NPIPB2: variants seen among roughly 807,000 people sequenced by gnomAD.
NPIPB2 encodes nuclear pore complex-interacting protein family member B2.
A neutral mutation model predicts 30.8 loss-of-function variants in NPIPB2; 27 were observed. That is an observed-to-expected ratio of 0.88 (90% CI 0.65 to 1.21). The LOEUF is 1.21. Among genes scored for constraint, NPIPB2 ranks in the 50% most tolerant of loss-of-function variants. The pLI, the probability that NPIPB2 is intolerant of heterozygous loss-of-function variation, is 0.00. For synonymous variants in NPIPB2, 147 were observed against 162.0 expected, an observed-to-expected ratio of 0.91 and a Z score of 0.70; for missense variants, 440 against 446.2, an observed-to-expected ratio of 0.99 and a Z score of 0.13.
At chr16:11,975,591 T>TTTG (rs376313645) in intron 1 of NPIPB2, among the ~76,000 whole-genome samples, 19 of 151,518 alleles carry the variant, frequency 1.3e-4, no homozygotes, top group South Asian at 2.1e-4. Flanking sequence ...AAGAGCCATT[T>TTTG]TTGTTGTTGT....
intron 2 of NPIPB2, among the ~76,000 whole-genome samples, chr16:11,936,897 G>A (rs1448343723): frequency 1.3e-5 from 2 of 151,290 alleles, no homozygotes; most frequent in Admixed American, 6.6e-5. Flanking sequence ...CTGGCAGTTT[G>A]TCACCTCGTC....
At chr16:11,972,863 A>C (rs78413094) in intron 1 of NPIPB2, among the ~76,000 whole-genome samples, 1 of 112,424 alleles carries the variant, frequency 8.9e-6, no homozygotes. Flanking sequence ...ATTCGGACTC[A>C]AAAAAAAAAA....
intron 1 of NPIPB2, among the ~76,000 whole-genome samples, chr16:11,975,500 T>C (rs190283104): frequency 1.3e-4 from 20 of 152,120 alleles, no homozygotes; most frequent in East Asian, 5.8e-4. Context: ...GCACCATGTC[T>C]TGCCTGGACA....
intron 1 of NPIPB2, chr16:11,965,470 T>C (rs369612176): frequency 1.9e-6 from 3 of 1,613,222 alleles, no homozygotes; most frequent in African/African-American, 2.7e-5. Flanking sequence ...TAATATTGCT[T>C]GAACGATTAT....
In NPIPB2 at chr16:11,937,602, T is replaced by C. The variant is rs762203374; in HGVS notation, c.130A>G (p.Ile44Val). ...TAACTTCTCGGAAATGCAATAATGA[T>C]ACGTAACCAAGGACTTCCACCAAAG... is the stretch of plus-strand genomic sequence containing the variant. Residue 44 changes from isoleucine (I) to valine (V), a missense_variant, in exon 2 of 8, where the codon ATC becomes GTC. Ile to Val is a conservative substitution (Grantham distance 29). Coordinates refer to ENST00000399147, the Ensembl canonical transcript of NPIPB2. 33 of 1,599,424 alleles carry C rather than the reference T, an allele frequency of 2.1e-5. No homozygotes were observed. The African/African-American group carries it at 4.3e-4, about 21-fold the overall frequency.
chr16:11,952,175 C>CAACAA (rs1555509443), intron 1 of NPIPB2, among the ~76,000 whole-genome samples: 1 of 128,846 alleles, frequency 7.8e-6, no homozygotes, highest in African/African-American at 2.9e-5. Flanking sequence ...AAAAACAAAA[C>CAACAA]AAAAAAAAAA....
chr16:11,966,154 T>G, intron 1 of NPIPB2: 1 of 1,542,324 alleles, frequency 6.5e-7, no homozygotes, highest in East Asian at 2.3e-5. Context: ...GTGAATATTA[T>G]GTTATCAGCT....
Position 11,951,657 on chromosome 16 carries a change from CA to C in NPIPB2, c.-583-9544del, listed in dbSNP as rs1596500844. On this transcript the variant is annotated intron_variant, in intron 1 of 5. Transcript: ENST00000538896. Reference sequence around the variant, plus strand: ...ACACACACACACACACACACACACACACACACACACCCAGCCCCCAAACAAC... The same window carrying C: ...ACACACACACACACACACACACACACCACACACACCCAGCCCCCAAACAAC... Among the ~76,000 whole-genome samples, 23 of 148,576 alleles carry C rather than the reference CA, an allele frequency of 1.5e-4. 1 individual carries two copies. Among genetic ancestry groups the C allele is most frequent in the South Asian group, 1.2e-3 (5 of 4,320 alleles).
At chr16:11,943,051 A>G (rs4079580), upstream of NPIPB2, among the ~76,000 whole-genome samples, 1 of 152,178 alleles carries the variant, frequency 6.6e-6, no homozygotes, top group Non-Finnish European at 1.5e-5. Flanking sequence ...GCTGGGTGTG[A>G]TGGCTCACGC....
At chr16:11,941,334 G>A (rs1380062559) in intron 1 of NPIPB2, 9 of 429,984 alleles carry the variant, frequency 2.1e-5, no homozygotes, top group African/African-American at 1.8e-4. Flanking sequence ...GGACCGGGCC[G>A]GATCTGAGTT....
At chr16:11,965,175 A>G (rs3743591) in intron 1 of NPIPB2, 71,221 of 904,702 alleles carry the variant, frequency 0.079, 4,846 homozygotes, top group Admixed American at 0.26. Flanking sequence ...AGACACAGAC[A>G]GCCCCCGTAA....
chr16:11,966,265 T>G, intron 1 of NPIPB2: 1 of 1,614,112 alleles, frequency 6.2e-7, no homozygotes, highest in Non-Finnish European at 8.5e-7. Context: ...TAATAATTTC[T>G]TTGGCAGTTT....
rs3971887 is a variant in NPIPB2, at chr16:11,941,927, T to C, written c.63+56A>G. On this transcript the variant is annotated intron_variant, in intron 1 of 7. Coordinates refer to ENST00000399147, the Ensembl canonical transcript of NPIPB2. ...CTCCCAGGGTTCCTCAAGGTCACTT[T>C]TGGCGACAAAACATAAAAAACAAAT... 14 of 1,021,816 alleles carry C rather than the reference T, an allele frequency of 1.4e-5. No individual in the cohort carries two copies. The East Asian group carries it at 2.3e-4, about 17-fold the overall frequency. 63.3% of individuals were successfully genotyped at this position (1,021,816 alleles called of 1,614,324 possible). A position where few individuals can be genotyped will look rare whatever the true frequency, so the allele number is the denominator to read the frequency against.
intron 1 of NPIPB2, among the ~76,000 whole-genome samples, chr16:11,962,479 G>A (rs1285852143): frequency 6.6e-6 from 1 of 151,726 alleles, no homozygotes; most frequent in East Asian, 1.9e-4. Flanking sequence ...AGACATGGTG[G>A]TGGGTGCCTG....
At chr16:11,934,990 G>GTAAT (rs1407005298) in intron 2 of NPIPB2, among the ~76,000 whole-genome samples, 2 of 141,844 alleles carry the variant, frequency 1.4e-5, no homozygotes, top group African/African-American at 5.2e-5. Context: ...TGAAAAGGAA[G>GTAAT]TAATTACCTT....
At chr16:11,962,637 A>C (rs1014035893) in intron 1 of NPIPB2, among the ~76,000 whole-genome samples, 10 of 151,830 alleles carry the variant, frequency 6.6e-5, no homozygotes, top group Admixed American at 5.3e-4. Context: ...AAACCAAAAA[A>C]AAAGAGGAAG....
At chr16:11,975,014 G>A (rs1204868062) in intron 1 of NPIPB2, among the ~76,000 whole-genome samples, 1 of 151,656 alleles carries the variant, frequency 6.6e-6, no homozygotes, top group African/African-American at 2.4e-5. Context: ...GGTGGAGGTT[G>A]CAGTGAGCCA....
chr16:11,960,923 G>A (rs1479944939), intron 1 of NPIPB2, among the ~76,000 whole-genome samples: 1 of 150,794 alleles, frequency 6.6e-6, no homozygotes. Context: ...CTGCAGTGCA[G>A]TGGCGCAATC....
rs1016362300 is a variant in NPIPB2, at chr16:11,974,340, C to T, written c.-584+2228G>A. 2.0e-5 allele frequency among the ~76,000 whole-genome samples: 3 copies of T among 151,816 alleles called. No homozygotes were observed. In the South Asian group the frequency reaches 6.2e-4, roughly 32 times the overall value. On this transcript the variant is annotated intron_variant, in intron 1 of 5. Transcript: ENST00000538896. ...CAAGGCTGACCAACATGGTGAAAGC[C>T]GATCTCTACTAAACACACAAAATAC...
Sources: gnomAD v4.1 joint callset for allele counts (sites outside exome capture counted in the v4.1 genomes callset) on GRCh38, gnomAD v4.1.1 for gene constraint, MANE v1.5 for transcripts, NCBI Gene and HGNC (gene_info 2026-07-23, HGNC 2026-07-21) for gene names.